Variants in IQSEC1 observed in about 807,000 individuals in gnomAD.
The protein encoded by IQSEC1 is IQ motif and Sec7 domain ArfGEF 1, also known as IQ motif and SEC7 domain-containing protein 1.
In IQSEC1, 31 loss-of-function variants were observed where a neutral mutation model predicts 91.0. That is an observed-to-expected ratio of 0.34 (90% confidence interval 0.26 to 0.46). The LOEUF is 0.46. Ranked by LOEUF, IQSEC1 falls within the 20% of genes least tolerant of loss-of-function variation. The pLI is 1.00. For synonymous variants in IQSEC1, 699 were observed against 662.6 expected, an observed-to-expected ratio of 1.05 and a Z score of -0.84; for missense variants, 1,388 against 1,575.6, an observed-to-expected ratio of 0.88 and a Z score of 2.02.
At chr3:13,239,484 G>A (rs900632368) in intron 1 of IQSEC1, among the ~76,000 whole-genome samples, 1 of 152,264 alleles carries the variant, frequency 6.6e-6, no homozygotes, top group Non-Finnish European at 1.5e-5. Flanking sequence ...AAAGACCCTC[G>A]TGTTCTGGGT....
intron 1 of IQSEC1, among the ~76,000 whole-genome samples, chr3:13,052,236 C>T (rs1704717521): frequency 6.6e-6 from 1 of 152,218 alleles, no homozygotes; most frequent in African/African-American, 2.4e-5. Context: ...CTGGCAACTG[C>T]CTATCTCTTC....
chr3:13,023,086 C>G (rs571812062), intron 1 of IQSEC1, among the ~76,000 whole-genome samples: 88 of 152,330 alleles, frequency 5.8e-4, no homozygotes, highest in Non-Finnish European at 1.1e-3. Context: ...GTCACTTACC[C>G]TAGGTCACAG....
intron 1 of IQSEC1, among the ~76,000 whole-genome samples, chr3:13,252,077 A>C (rs1025414671): frequency 6.6e-6 from 1 of 152,186 alleles, no homozygotes; most frequent in African/African-American, 2.4e-5. Flanking sequence ...ACTCATTTTC[A>C]AGTGTACAGT....
chr3:13,169,117 C>A (rs1693555815), intron 1 of IQSEC1, among the ~76,000 whole-genome samples: 1 of 152,192 alleles, frequency 6.6e-6, no homozygotes, highest in Non-Finnish European at 1.5e-5. Flanking sequence ...CCACCCAAGT[C>A]TCATCTTGAA....
chr3:13,050,931 T>C (rs1184684482), intron 1 of IQSEC1, among the ~76,000 whole-genome samples: 1 of 152,214 alleles, frequency 6.6e-6, no homozygotes, highest in African/African-American at 2.4e-5. Flanking sequence ...ACACATTAAC[T>C]CTATATTAAT....
At chr3:13,178,141 T>C (rs1693773076) in intron 1 of IQSEC1, among the ~76,000 whole-genome samples, 2 of 152,230 alleles carry the variant, frequency 1.3e-5, no homozygotes, top group African/African-American at 2.4e-5. Context: ...ACTCCCAGAC[T>C]ACCCGAGTCC....
chr3:12,911,881 C>T (rs538465910), intron 9 of IQSEC1, among the ~76,000 whole-genome samples, 153 bp from the exon 10 acceptor site: 8 of 152,174 alleles, frequency 5.3e-5, no homozygotes, highest in African/African-American at 1.2e-4. Context: ...CTCCAAGACT[C>T]GGACAACGGT....
intron 1 of IQSEC1, among the ~76,000 whole-genome samples, chr3:13,271,688 C>T (rs1695593038): frequency 1.3e-5 from 2 of 152,130 alleles, no homozygotes; most frequent in Admixed American, 6.6e-5. Context: ...CCCAGCTACT[C>T]ATGAGGCTGA....
intron 1 of IQSEC1, among the ~76,000 whole-genome samples, chr3:13,262,302 A>T (rs1695403882): frequency 6.6e-6 from 1 of 152,214 alleles, no homozygotes; most frequent in African/African-American, 2.4e-5. Context: ...ACATAAATAC[A>T]TAATGAAAAT....
At chr3:12,915,405 C>T (rs17037462) in intron 7 of IQSEC1, among the ~76,000 whole-genome samples, 189 bp downstream of exon 7, 23,511 of 152,216 alleles carry the variant, frequency 0.15, 1,994 homozygotes, top group African/African-American at 0.2. Flanking sequence ...CAGATTGTAA[C>T]GCAGAGCCAA....
intron 1 of IQSEC1, among the ~76,000 whole-genome samples, chr3:12,987,291 C>T (rs1701786569): frequency 6.6e-6 from 1 of 152,248 alleles, no homozygotes; most frequent in Non-Finnish European, 1.5e-5. Context: ...GCAGTTGGGC[C>T]ACTGCCTGCC....
At chr3:13,188,894 A>G (rs936520841) in intron 1 of IQSEC1, among the ~76,000 whole-genome samples, 1 of 152,176 alleles carries the variant, frequency 6.6e-6, no homozygotes, top group South Asian at 2.1e-4. Flanking sequence ...ATGGGCCCCA[A>G]ATTCCTTCAC....
rs552238017 is a variant in IQSEC1, at chr3:13,242,776, C to T, written c.272+39935G>A. On this transcript the variant is annotated intron_variant, in intron 1 of 15. Coordinates refer to the IQSEC1 transcript ENST00000648114. ...CTTTGTGAAGCCCCTTCAGGCTTCA[C>T]GTCACCGGGACTGGTTGGAGTTTCA... is the stretch of plus-strand genomic sequence containing the variant. Among the ~76,000 whole-genome samples the T allele has an allele frequency of 1.8e-4, 27 of 152,048 alleles. No individual in the cohort carries two copies. In the South Asian group the frequency reaches 4.8e-3, roughly 27 times the overall value.
intron 1 of IQSEC1, among the ~76,000 whole-genome samples, chr3:12,972,837 A>G (rs61059729): frequency 0.19 from 29,391 of 152,170 alleles, 4,206 homozygotes; most frequent in East Asian, 0.75. Context: ...ATTCTCATCC[A>G]AATATGGAAT....
chr3:12,934,630 G>A (rs1697997192), intron 3 of IQSEC1, among the ~76,000 whole-genome samples: 1 of 152,168 alleles, frequency 6.6e-6, no homozygotes, highest in Non-Finnish European at 1.5e-5. Flanking sequence ...AGCCCAGGGA[G>A]TGGAAATAAC....
chr3:12,908,020 C>T lies in IQSEC1; in HGVS notation c.2755+329G>A, dbSNP rs184733154. On this transcript the variant is annotated intron_variant, in intron 12 of 13. Coordinates refer to ENST00000613206, the MANE Select transcript of IQSEC1 (RefSeq NM_001134382.3). The surrounding 1 kb of genome is among the most constrained non-coding windows in gnomAD (Gnocchi z 4.9). Reference sequence around the variant, plus strand: ...CCGCACAGAGAGCACGGGACACAGCCGCCGGCTCACTCGGGCTAGAGCGAC... The same window carrying T: ...CCGCACAGAGAGCACGGGACACAGCTGCCGGCTCACTCGGGCTAGAGCGAC... 8.5e-4 allele frequency among the ~76,000 whole-genome samples: 130 copies of T among 152,312 alleles called. 1 individual carries two copies. In the South Asian group the frequency reaches 8.7e-3, roughly 10 times the overall value.
At chr3:13,043,807 C>T (rs975913670) in intron 1 of IQSEC1, among the ~76,000 whole-genome samples, 3 of 152,174 alleles carry the variant, frequency 2.0e-5, no homozygotes, top group African/African-American at 4.8e-5. Flanking sequence ...CCCCTCTGGC[C>T]GCTTTGGGGC....
rs1051235921 is a variant in IQSEC1 at position 13,282,373 on chromosome 3, C to G, written c.272+338G>C. On this transcript the variant is annotated intron_variant, in intron 1 of 15. Transcript: ENST00000648114. The surrounding 1 kb of genome is among the most constrained non-coding windows in gnomAD (Gnocchi z 6.4). ...TGCTCCGAGACCTAGGTCCGCTCCC[C>G]GGACAGACCTCCGCCCGGCTCGTCC... Among the ~76,000 whole-genome samples, 1 of 152,150 alleles carries G rather than the reference C, an allele frequency of 6.6e-6. No individual in the cohort carries two copies. The highest frequency in any genetic ancestry group is 2.4e-5 in the African/African-American group (1 of 41,452).
chr3:13,022,902 G>A (rs181572785), intron 1 of IQSEC1, among the ~76,000 whole-genome samples: 1 of 152,332 alleles, frequency 6.6e-6, no homozygotes, highest in East Asian at 1.9e-4. Flanking sequence ...GATGCTGGGC[G>A]TGGTCAGCCC....
Sources: gnomAD v4.1 joint callset for allele counts (sites outside exome capture counted in the v4.1 genomes callset) on GRCh38, gnomAD v4.1.1 for gene constraint, Gnocchi (gnomAD v3.1) non-coding constraint, MANE v1.5 for transcripts, NCBI Gene and HGNC (gene_info 2026-07-23, HGNC 2026-07-21) for gene names.